Variants in KALRN observed in about 807,000 individuals in gnomAD.
KALRN encodes the protein kalirin.
A neutral mutation model predicts 353.7 loss-of-function variants in KALRN; 70 were observed. That is an observed-to-expected ratio of 0.20 (90% CI 0.16 to 0.24). The LOEUF (loss-of-function observed/expected upper bound fraction) is 0.24. KALRN is among the 10% of genes least tolerant of loss of function. The pLI, the probability that KALRN is intolerant of heterozygous loss-of-function variation, is 1.00. For synonymous variants in KALRN, 1,391 were observed against 1,434.8 expected (o/e 0.97, Z 0.69); for missense variants, 2,791 against 3,756.7 (o/e 0.74, Z 6.72).
chr3:124,550,814 C>A (rs888911368), intron 33 of KALRN, among the ~76,000 whole-genome samples: 4 of 152,016 alleles, frequency 2.6e-5, no homozygotes, highest in Non-Finnish European at 5.9e-5. Flanking sequence ...ACGGTGAAAC[C>A]CCGTCTGTAC....
At chr3:124,661,699 A>C (rs1041118845) in intron 44 of KALRN, 152 bp from the exon 45 acceptor site, 3 of 672,772 alleles carry the variant, frequency 4.5e-6, no homozygotes, top group Middle Eastern at 2.8e-4. Context: ...AAAGCCCCAC[A>C]CTCTCTGAGA....
chr3:124,523,506 G>T (rs571480083), intron 33 of KALRN, among the ~76,000 whole-genome samples: 1 of 152,182 alleles, frequency 6.6e-6, no homozygotes, highest in Non-Finnish European at 1.5e-5. Flanking sequence ...CCTGCTGGGG[G>T]AAAACACACA....
intron 1 of KALRN, among the ~76,000 whole-genome samples, chr3:124,109,013 TCTC>T (rs766009352): frequency 6.6e-6 from 1 of 152,182 alleles, no homozygotes. Flanking sequence ...TGCCTTCACT[TCTC>T]CTCCTGCTTC....
intron 33 of KALRN, among the ~76,000 whole-genome samples, chr3:124,528,758 A>G (rs1034852596): frequency 6.6e-6 from 1 of 152,224 alleles, no homozygotes; most frequent in Admixed American, 6.5e-5. Flanking sequence ...CTTTCCAGAT[A>G]ATGGCTGAAT....
intron 1 of KALRN, among the ~76,000 whole-genome samples, chr3:124,099,194 A>G (rs1258685919): frequency 6.6e-6 from 1 of 152,180 alleles, no homozygotes; most frequent in Non-Finnish European, 1.5e-5. Context: ...GTGCTATCAA[A>G]CCCTAGAACT....
At position 124,455,240 on chromosome 3, in the gene KALRN, A is replaced by C. The variant is rs1295872116; in HGVS notation, c.3616A>C (p.Ile1206Leu). ...CGATAGCTTTGTGGAAAAAGGCCACATTCATGCCACGGAGATAAGGAAATG... is the reference window on the plus strand; with the variant it reads ...CGATAGCTTTGTGGAAAAAGGCCACCTTCATGCCACGGAGATAAGGAAATG... ...LADSFVEKGH[I>L]HATEIRKWVT... The change falls in exon 22 of 60, where the codon ATT (isoleucine) becomes CTT (leucine). Residue 1206 changes from isoleucine to leucine, a missense_variant. Physicochemically the swap from Ile to Leu is conservative, Grantham distance 5. This residue lies in a region of KALRN where 268 missense variants were observed against 347.0 expected (regional missense o/e 0.77). Coordinates refer to ENST00000682506, the MANE Select transcript of KALRN (RefSeq NM_001388419.1). 6.2e-7 allele frequency: 1 copy of C among 1,614,106 alleles called. No individual in the cohort carries two copies. The highest frequency in any genetic ancestry group is 8.5e-7 in the Non-Finnish European group (1 of 1,180,040).
chr3:124,664,366 T>TGCGCGCGCGC (rs1454191492), intron 45 of KALRN, among the ~76,000 whole-genome samples: 2 of 126,938 alleles, frequency 1.6e-5, no homozygotes, highest in Non-Finnish European at 1.6e-5. Context: ...TGTGTGTGTG[T>TGCGCGCGCGC]GTGTGCGCGC....
chr3:124,478,188 C>A (rs1231211227), intron 27 of KALRN, among the ~76,000 whole-genome samples: 1 of 152,216 alleles, frequency 6.6e-6, no homozygotes, highest in African/African-American at 2.4e-5. Context: ...GAGAGGCAGA[C>A]TATAGCAGTG....
intron 49 of KALRN, 109 bp downstream of exon 49, chr3:124,674,723 T>C (rs1400629236): frequency 4.2e-6 from 5 of 1,204,306 alleles, no homozygotes; most frequent in Non-Finnish European, 5.7e-6. Flanking sequence ...TTACTACTGC[T>C]TATTCTCAAC....
chr3:124,410,924 A>G (rs188304069), intron 13 of KALRN, among the ~76,000 whole-genome samples: 4 of 152,198 alleles, frequency 2.6e-5, no homozygotes, highest in East Asian at 3.9e-4. Flanking sequence ...TATTCATATT[A>G]GCCAAACACT....
chr3:124,170,040 C>A lies in KALRN; in HGVS notation c.74-57950C>A, dbSNP rs566693360. 2.6e-5 allele frequency among the ~76,000 whole-genome samples: 4 copies of A among 152,310 alleles called. No homozygotes were observed. The South Asian group carries it at 8.3e-4, about 32-fold the overall frequency. The stretch of plus-strand genomic sequence containing the variant: ...ACTCAACCAAGAGCATTTCAGAGTT[C>A]TTTCCTCAGAAAATACCGTGGTAAA... On this transcript the variant is annotated intron_variant, in intron 1 of 59. Coordinates refer to ENST00000682506, the MANE Select transcript of KALRN (RefSeq NM_001388419.1).
intron 10 of KALRN, among the ~76,000 whole-genome samples, chr3:124,382,359 T>C (rs920155302): frequency 1.3e-5 from 2 of 152,216 alleles, no homozygotes; most frequent in African/African-American, 4.8e-5. Context: ...ATCTTATGTA[T>C]TGTCATGTTA....
chr3:124,339,625 T>C (rs1425914956), intron 9 of KALRN, among the ~76,000 whole-genome samples: 1 of 152,130 alleles, frequency 6.6e-6, no homozygotes, highest in Non-Finnish European at 1.5e-5. Context: ...ACAGAAATAA[T>C]GATGTGGCAG....
At chr3:124,103,269 C>T (rs991813558) in intron 1 of KALRN, among the ~76,000 whole-genome samples, 3 of 152,128 alleles carry the variant, frequency 2.0e-5, no homozygotes, top group Admixed American at 6.5e-5. Flanking sequence ...TGTGAGGTCC[C>T]GGTGTGGTGT....
intron 37 of KALRN, among the ~76,000 whole-genome samples, chr3:124,643,970 T>G (rs1420283588): frequency 6.6e-6 from 1 of 152,190 alleles, no homozygotes; most frequent in Non-Finnish European, 1.5e-5. Context: ...TTGGTGGAAG[T>G]CTAAATTAGT....
intron 51 of KALRN, among the ~76,000 whole-genome samples, chr3:124,689,982 C>T (rs1426060605): frequency 6.6e-6 from 1 of 152,186 alleles, no homozygotes; most frequent in Non-Finnish European, 1.5e-5. Flanking sequence ...CTATTGGCTA[C>T]ATCTCAGACA....
chr3:124,051,370 C>T, intron 1 of KALRN, among the ~76,000 whole-genome samples: 1 of 152,270 alleles, frequency 6.6e-6, no homozygotes, highest in African/African-American at 2.4e-5. Flanking sequence ...TCTGGTTTCT[C>T]CTTACTTTGC....
Position 124,084,502 on chromosome 3 carries a change from A to C in KALRN, c.73+50689A>C, listed in dbSNP as rs185714511. Among the ~76,000 whole-genome samples, 36 of 152,352 alleles carry C rather than the reference A, an allele frequency of 2.4e-4. No homozygotes were observed. In the East Asian group the frequency reaches 6.7e-3, roughly 29 times the overall value. ...TGCTCAGGAAAAGCACATGAGCTGC[A>C]CATCAGTGTTTGGAAAAATTAATGC... On this transcript the variant is annotated intron_variant, in intron 1 of 59. Coordinates refer to ENST00000682506, the MANE Select transcript of KALRN (RefSeq NM_001388419.1).
At chr3:124,631,473 C>A (rs1043038354) in intron 34 of KALRN, among the ~76,000 whole-genome samples, 1 of 152,200 alleles carries the variant, frequency 6.6e-6, no homozygotes, top group Non-Finnish European at 1.5e-5. Flanking sequence ...CCCATCCTAA[C>A]CTCAGACCCA....
Sources: allele counts gnomAD v4.1 joint callset (sites outside exome capture counted in the v4.1 genomes callset), GRCh38; gene constraint gnomAD v4.1.1; regional missense constraint gnomAD v4.1.1; transcripts MANE v1.5; gene names NCBI Gene and HGNC (gene_info 2026-07-23, HGNC 2026-07-21).